The following ASPH variants were observed in gnomAD, a reference collection of about 807,000 sequenced individuals.
ASPH encodes the protein aspartyl/asparaginyl beta-hydroxylase.
Under a neutral mutation model 118.4 loss-of-function variants are expected in ASPH, and 100 were observed. The observed-to-expected ratio is 0.84, with a 90% CI of 0.72 to 1.00. The LOEUF (loss-of-function observed/expected upper bound fraction) is 1.00, where lower values mean the gene tolerates loss of function less well. ASPH is among the 50% of genes least tolerant of loss of function. The pLI, the probability that ASPH is intolerant of heterozygous loss-of-function variation, is 0.00. For missense variants in ASPH, 920 were observed against 919.5 expected, an observed-to-expected ratio of 1.00 and a Z score of -0.01; for synonymous variants, 315 against 325.6, an observed-to-expected ratio of 0.97 and a Z score of 0.35.
intron 13 of ASPH, among the ~76,000 whole-genome samples, chr8:61,627,337 AT>A (rs1184661809): frequency 6.6e-6 from 1 of 152,188 alleles, no homozygotes; most frequent in East Asian, 1.9e-4. Flanking sequence ...GCAAAAACAA[AT>A]GTGTGTGTTT....
chr8:61,696,579 C>T (rs544025476), intron 1 of ASPH, among the ~76,000 whole-genome samples: 2 of 152,156 alleles, frequency 1.3e-5, no homozygotes, highest in South Asian at 4.2e-4. Flanking sequence ...AGGCTAGTTC[C>T]TCAAGCCAGG....
chr8:61,579,348 C>T, intron 15 of ASPH: 5 of 1,614,172 alleles, frequency 3.1e-6, no homozygotes, highest in Non-Finnish European at 4.2e-6. Flanking sequence ...GTACCAGGAG[C>T]TGATGAACGT....
Position 61,714,268 on chromosome 8 carries a change from C to T in ASPH, c.103+1G>A. 1.3e-6 allele frequency: 2 copies of T among 1,512,040 alleles called. No individual in the cohort carries two copies. The highest frequency in any genetic ancestry group is 1.8e-6 in the Non-Finnish European group (2 of 1,133,454). 93.7% of individuals were successfully genotyped at this position (1,512,040 alleles called of 1,614,324 possible). ...GATCCCCGCCCCGCAGGGCCTCTGA[C>T]CTCTCCGGGCCCCGGGGCTGCTGCT... On this transcript the variant is annotated splice_donor_variant, in intron 1 of 24. Transcript: ENST00000379454. LOFTEE classifies it high-confidence loss of function.
chr8:61,585,144 A>G (rs1030090260), intron 14 of ASPH, among the ~76,000 whole-genome samples: 2 of 152,198 alleles, frequency 1.3e-5, no homozygotes, highest in African/African-American at 4.8e-5. Context: ...CTTACTTAGC[A>G]AACAGTTTTT....
At chr8:61,681,139 CAATT>C in intron 2 of ASPH, 103 bp from the exon 3 acceptor site, 1 of 821,610 alleles carries the variant, frequency 1.2e-6, no homozygotes. Flanking sequence ...TAAATGTTAC[CAATT>C]AATACAATTC....
intron 1 of ASPH, among the ~76,000 whole-genome samples, chr8:61,693,142 T>C (rs1001492204): frequency 2.6e-5 from 4 of 152,134 alleles, no homozygotes; most frequent in Non-Finnish European, 5.9e-5. Flanking sequence ...GCCGTAACCA[T>C]GTGATTTCAA....
chr8:61,620,079 T>C (rs1158285276), intron 13 of ASPH, among the ~76,000 whole-genome samples: 1 of 152,198 alleles, frequency 6.6e-6, no homozygotes, highest in Non-Finnish European at 1.5e-5. Flanking sequence ...AAAGTAAATC[T>C]GAGGCTGGTT....
chr8:61,572,577 T>A (rs966112123), intron 16 of ASPH, among the ~76,000 whole-genome samples: 5 of 152,080 alleles, frequency 3.3e-5, no homozygotes, highest in Non-Finnish European at 5.9e-5. Context: ...CAGCCTTGAG[T>A]CCTCTTCCTC....
At position 61,606,574 on chromosome 8, in the gene ASPH, A is replaced by G. The variant is rs189971218; in HGVS notation, c.976+12404T>C. On this transcript the variant is annotated intron_variant, in intron 14 of 24. Coordinates refer to ENST00000379454, the MANE Select transcript of ASPH (RefSeq NM_004318.4). ...CCCAAAGGTTTCAGATAAATAATAT[A>G]TACATATAATCATAGATGTAGGTGC... 5 of 152,318 alleles carry G rather than the reference A, an allele frequency of 3.3e-5. No individual in the cohort carries two copies. The East Asian group carries it at 7.7e-4, about 23-fold the overall frequency. The allele number at this position is 152,318 out of a possible 1,614,324, so 9.4% of individuals were successfully genotyped here.
chr8:61,635,313 T>C (rs1414378137), intron 12 of ASPH, among the ~76,000 whole-genome samples: 2 of 152,284 alleles, frequency 1.3e-5, no homozygotes, highest in East Asian at 3.9e-4. Flanking sequence ...AGCTCAGTCC[T>C]GGGCATGCCT....
At chr8:61,588,075 A>G (rs1427100924) in intron 14 of ASPH, among the ~76,000 whole-genome samples, 1 of 152,226 alleles carries the variant, frequency 6.6e-6, no homozygotes, top group East Asian at 1.9e-4. Flanking sequence ...TTTAAAGTAC[A>G]CCTATAAGGT....
At chr8:61,582,243 A>G (rs1837793639) in intron 15 of ASPH, among the ~76,000 whole-genome samples, 1 of 152,220 alleles carries the variant, frequency 6.6e-6, no homozygotes. Context: ...TCTCCAAAGG[A>G]GCAACACTGC....
intron 14 of ASPH, among the ~76,000 whole-genome samples, chr8:61,596,676 C>T (rs143534298): frequency 2.5e-4 from 38 of 152,234 alleles, no homozygotes; most frequent in African/African-American, 8.4e-4. Flanking sequence ...TACACTACTG[C>T]GCCAGCCCAG....
intron 2 of ASPH, among the ~76,000 whole-genome samples, chr8:61,681,965 G>A (rs1828296128): frequency 6.6e-6 from 1 of 151,836 alleles, no homozygotes; most frequent in Non-Finnish European, 1.5e-5. Context: ...TTTTTAAACA[G>A]CTTTCTCAAA....
At chr8:61,588,767 A>C (rs1270779634) in intron 14 of ASPH, among the ~76,000 whole-genome samples, 1 of 152,188 alleles carries the variant, frequency 6.6e-6, no homozygotes, top group Non-Finnish European at 1.5e-5. Context: ...CTAATTACGG[A>C]CCCAAGAAAA....
intron 24 of ASPH, 123 bp from the exon 25 acceptor site, chr8:61,503,632 T>G: frequency 4.4e-6 from 4 of 899,328 alleles, no homozygotes; most frequent in Non-Finnish European, 6.3e-6. Flanking sequence ...ACCAAATAAC[T>G]AGAACATCAA....
At chr8:61,626,126 T>A in intron 13 of ASPH, 1 of 1,254,192 alleles carries the variant, frequency 8.0e-7, no homozygotes, top group Non-Finnish European at 1.0e-6. Flanking sequence ...GCCAGTGGAC[T>A]ATAATTCATT....
chr8:61,618,993 C>G lies in ASPH; in HGVS notation c.961G>C (p.Glu321Gln). Reference protein sequence around the residue: ...PETNRKTDDPEQKAKVKKKKP... With the variant: ...PETNRKTDDPQQKAKVKKKKP... ...ACAATCTCACCTTTTGCTTTTTGTT[C>G]TGGATCATCTGTTTTTCTATTTGTT... Residue 321 changes from glutamate to glutamine, a missense_variant, in exon 14 of 25, where the codon GAA becomes CAA. Transcript: ENST00000379454. 3 of 1,605,050 alleles carry G rather than the reference C, an allele frequency of 1.9e-6. No homozygotes were observed. Among genetic ancestry groups the G allele is most frequent in the Non-Finnish European group, 2.6e-6 (3 of 1,173,216 alleles).
At chr8:61,714,149 G>T (rs1259099301) in intron 1 of ASPH, 120 bp downstream of exon 1, 3 of 1,261,680 alleles carry the variant, frequency 2.4e-6, no homozygotes, top group African/African-American at 3.1e-5. Context: ...GAGGAGCGTC[G>T]CGGGGGATGG....
Sources: gnomAD v4.1 joint callset for allele counts (sites outside exome capture counted in the v4.1 genomes callset) on GRCh38, gnomAD v4.1.1 for gene constraint, MANE v1.5 for transcripts, NCBI Gene and HGNC (gene_info 2026-07-23, HGNC 2026-07-21) for gene names.